Variants in CTNND2 observed in about 807,000 individuals in gnomAD.
CTNND2 encodes the protein catenin delta 2.
A neutral mutation model predicts 144.4 loss-of-function variants in CTNND2; 22 were observed. That is an observed-to-expected ratio of 0.15 (90% CI 0.11 to 0.22). The LOEUF (loss-of-function observed/expected upper bound fraction) is 0.22, where lower values mean the gene tolerates loss of function less well. Among genes scored for constraint, CTNND2 ranks in the 10% least tolerant of loss-of-function variants. The pLI is 1.00. For synonymous variants in CTNND2, 751 were observed against 695.6 expected (o/e 1.08, Z -1.25); for missense variants, 1,353 against 1,618.8 (o/e 0.84, Z 2.82).
chr5:11,066,469 C>T (rs1747615960), intron 16 of CTNND2, among the ~76,000 whole-genome samples: 1 of 151,462 alleles, frequency 6.6e-6, no homozygotes, highest in Non-Finnish European at 1.5e-5. Flanking sequence ...CCTCCCCCAC[C>T]CTGACCCCTG....
chr5:10,986,599 G>A (rs1290323953), intron 20 of CTNND2: 3 of 434,606 alleles, frequency 6.9e-6, no homozygotes, highest in South Asian at 1.6e-5. Flanking sequence ...TCATCTACGC[G>A]GCAACATGTA....
chr5:11,565,079 A>T, intron 2 of CTNND2, 23 bp from the exon 3 acceptor site: 3 of 1,502,214 alleles, frequency 2.0e-6, no homozygotes, highest in East Asian at 2.3e-5. Context: ...CATCAACAAG[A>T]TCAATTCAAT....
intron 16 of CTNND2, among the ~76,000 whole-genome samples, chr5:11,082,405 C>A (rs1391303127): frequency 1.3e-5 from 2 of 152,158 alleles, no homozygotes; most frequent in Admixed American, 6.5e-5. Flanking sequence ...AAACAAACAG[C>A]CTGTCAGAGA....
intron 16 of CTNND2, among the ~76,000 whole-genome samples, chr5:11,035,228 C>T (rs1743942293): frequency 6.6e-6 from 1 of 152,092 alleles, no homozygotes; most frequent in South Asian, 2.1e-4. Context: ...CAACACTGGT[C>T]TTACTAGGCT....
chr5:11,833,144 G>C (rs1458476), intron 1 of CTNND2, among the ~76,000 whole-genome samples: 12,401 of 152,078 alleles, frequency 0.082, 1,420 homozygotes, highest in African/African-American at 0.26. Flanking sequence ...AGGCATTTAC[G>C]TGAGAAACAA....
intron 16 of CTNND2, among the ~76,000 whole-genome samples, chr5:11,042,678 C>T (rs970225727): frequency 9.9e-5 from 15 of 152,110 alleles, no homozygotes; most frequent in African/African-American, 3.4e-4. Context: ...CTTTGGATAC[C>T]GGGAAGTCTT....
At chr5:11,112,471 T>A (rs1250586120) in intron 13 of CTNND2, among the ~76,000 whole-genome samples, 2 of 152,194 alleles carry the variant, frequency 1.3e-5, no homozygotes, top group Non-Finnish European at 2.9e-5. Context: ...AAGGTAAGCC[T>A]CAGACCTTAC....
At chr5:11,179,322 A>G (rs981659552) in intron 11 of CTNND2, among the ~76,000 whole-genome samples, 13 of 152,070 alleles carry the variant, frequency 8.5e-5, no homozygotes, top group African/African-American at 3.1e-4. Flanking sequence ...AAAAAAACAA[A>G]AAAACAAAAA....
intron 3 of CTNND2, among the ~76,000 whole-genome samples, chr5:11,494,422 A>G (rs1284431280): frequency 6.6e-6 from 1 of 152,146 alleles, no homozygotes; most frequent in Non-Finnish European, 1.5e-5. Context: ...ATCTGTAAAT[A>G]CCTATTATAA....
intron 2 of CTNND2, among the ~76,000 whole-genome samples, chr5:11,579,708 A>T (rs1347491002): frequency 6.6e-6 from 1 of 152,212 alleles, no homozygotes; most frequent in Admixed American, 6.5e-5. Context: ...TTCATGTACA[A>T]AGTATAACCT....
intron 19 of CTNND2, among the ~76,000 whole-genome samples, chr5:10,990,995 C>T (rs1050920612): frequency 1.5e-4 from 23 of 152,188 alleles, no homozygotes; most frequent in Admixed American, 7.9e-4. Flanking sequence ...ACACTCCATG[C>T]GCTTTATCTT....
Position 11,877,073 on chromosome 5 carries a change from T to C in CTNND2, c.37+26744A>G, listed in dbSNP as rs1374908406. Among the ~76,000 whole-genome samples the C allele has an allele frequency of 2.6e-5, 4 of 152,300 alleles. No homozygotes were observed. In the East Asian group the frequency reaches 7.7e-4, roughly 29 times the overall value. On this transcript the variant is annotated intron_variant, in intron 1 of 21. Transcript: ENST00000304623. ...AAAGAAGTGCTGTTAGCAGATATTCTTTTATTTTTGTGTCAGAAATGGGAT... is the reference window on the plus strand; with the variant it reads ...AAAGAAGTGCTGTTAGCAGATATTCCTTTATTTTTGTGTCAGAAATGGGAT...
In CTNND2 at chr5:11,008,355, A is replaced by G. The variant is rs567143509; in HGVS notation, c.3084+9619T>C. On this transcript the variant is annotated intron_variant, in intron 18 of 21. Coordinates refer to ENST00000304623, the MANE Select transcript of CTNND2 (RefSeq NM_001332.4). ...GTCATCTCAAGGGTTGTTCCTTATA[A>G]GAGAGATTTGGGGGGTCACAGAGCA... Among the ~76,000 whole-genome samples the G allele has an allele frequency of 1.4e-4, 22 of 152,248 alleles. No individual in the cohort carries two copies. The East Asian group carries it at 4.3e-3, about 29-fold the overall frequency.
intron 10 of CTNND2, among the ~76,000 whole-genome samples, chr5:11,215,515 T>C (rs1739082625): frequency 6.6e-6 from 1 of 152,216 alleles, no homozygotes; most frequent in Non-Finnish European, 1.5e-5. Context: ...GCATGTGAAA[T>C]AGTGTAGCAC....
At chr5:11,546,385 TC>T (rs1287505430) in intron 3 of CTNND2, among the ~76,000 whole-genome samples, 9 of 152,230 alleles carry the variant, frequency 5.9e-5, no homozygotes, top group Non-Finnish European at 1.3e-4. Flanking sequence ...CTCCCCCATT[TC>T]TTATCAGTAC....
chr5:11,708,495 T>C (rs1446276368), intron 2 of CTNND2, among the ~76,000 whole-genome samples: 3 of 152,168 alleles, frequency 2.0e-5, no homozygotes, highest in Non-Finnish European at 4.4e-5. Context: ...ACACTAGTAA[T>C]AAGTCTTTTA....
At chr5:11,163,431 G>A (rs1315196692) in intron 11 of CTNND2, among the ~76,000 whole-genome samples, 2 of 152,330 alleles carry the variant, frequency 1.3e-5, no homozygotes, top group East Asian at 3.9e-4. Context: ...ACCCAAATCT[G>A]TGGCTCCTAC....
intron 11 of CTNND2, among the ~76,000 whole-genome samples, chr5:11,184,358 G>A (rs1735404849): frequency 6.6e-6 from 1 of 152,310 alleles, no homozygotes; most frequent in South Asian, 2.1e-4. Context: ...TAACTGCACA[G>A]ATAAGCCTCA....
At chr5:11,112,384 G>A (rs1481282240) in intron 13 of CTNND2, among the ~76,000 whole-genome samples, 4 of 152,166 alleles carry the variant, frequency 2.6e-5, no homozygotes, top group Non-Finnish European at 5.9e-5. Flanking sequence ...GGTGGAAGGG[G>A]CCACAAGCCG....
Sources: gnomAD v4.1 joint callset for allele counts (sites outside exome capture counted in the v4.1 genomes callset) on GRCh38, gnomAD v4.1.1 for gene constraint, MANE v1.5 for transcripts, NCBI Gene and HGNC (gene_info 2026-07-23, HGNC 2026-07-21) for gene names.